FAM184B: variants seen among roughly 807,000 people sequenced by gnomAD.
FAM184B encodes protein FAM184B.
FAM184B carries 111 observed loss-of-function variants against 135.9 expected under a neutral mutation model. That is an observed-to-expected ratio of 0.82 (90% confidence interval 0.70 to 0.96). The LOEUF (loss-of-function observed/expected upper bound fraction) is 0.96, where lower values mean the gene tolerates loss of function less well. FAM184B is among the 40% of genes least tolerant of loss of function. The probability of loss-of-function intolerance (pLI) is 0.00; values close to 1 mark genes in which losing one functional copy is unlikely to be tolerated. For synonymous variants in FAM184B, 552 were observed against 524.8 expected, an observed-to-expected ratio of 1.05 and a Z score of -0.71; for missense variants, 1,375 against 1,323.9, an observed-to-expected ratio of 1.04 and a Z score of -0.60.
In FAM184B at chr4:17,705,011, T is replaced by C; in HGVS notation, c.1366A>G (p.Lys456Glu). 2.6e-6 allele frequency: 4 copies of C among 1,551,676 alleles called. No individual in the cohort carries two copies. The highest frequency in any genetic ancestry group is 3.5e-6 in the Non-Finnish European group (4 of 1,146,990). Residue 456 changes from lysine to glutamate, a missense_variant, in exon 5 of 18, where the codon AAA (lysine) becomes GAA (glutamate). Lys to Glu is a moderately conservative substitution (Grantham distance 56). Coordinates refer to ENST00000265018, the MANE Select transcript of FAM184B (RefSeq NM_015688.2). ...GAAGTAGGTCTCACCCTCTGCAGTTTCTTTCTTTCAGCCTCCACGGACGAG... is the reference window on the plus strand; with the variant it reads ...GAAGTAGGTCTCACCCTCTGCAGTTCCTTTCTTTCAGCCTCCACGGACGAG... Reference protein sequence around the residue: ...VRSSVEAERKKLQREVEAQLE... With the variant: ...VRSSVEAERKELQREVEAQLE...
chr4:17,630,779 CTTTTT>C lies in FAM184B; in HGVS notation c.*1748_*1752del, dbSNP rs57987403. On this transcript the variant is annotated 3_prime_UTR_variant, in exon 18 of 18. Coordinates refer to ENST00000265018, the MANE Select transcript of FAM184B (RefSeq NM_015688.2). Reference sequence around the variant, plus strand: ...AAGTTTGACAGTTATATGTAATCAGCTTTTTTTTTTTTAAGATGGTGTGATTGAGG... The same window carrying C: ...AAGTTTGACAGTTATATGTAATCAGCTTTTTTTAAGATGGTGTGATTGAGG... The C allele has an allele frequency of 2.0e-5, 3 of 148,476 alleles. No individual in the cohort carries two copies. Among genetic ancestry groups the C allele is most frequent in the Non-Finnish European group, 3.0e-5 (2 of 67,042 alleles). The allele number at this position is 148,476 out of a possible 1,614,324, so 9.2% of individuals were successfully genotyped here.
At chr4:17,680,691 C>T (rs986742804) in intron 7 of FAM184B, among the ~76,000 whole-genome samples, 44 of 152,122 alleles carry the variant, frequency 2.9e-4, no homozygotes, top group Non-Finnish European at 6.3e-4. Flanking sequence ...GAATAGTGTG[C>T]ACGGAAAAAT....
chr4:17,653,933 G>GGGAGGGGGGAGAGGGGGAGGGGGAGGGT (rs1715714055), intron 10 of FAM184B, among the ~76,000 whole-genome samples: 1 of 1,386 alleles, frequency 7.2e-4, no homozygotes. Context: ...AGGGGGAGGG[G>GGGAGGGGGGAGAGGGGGAGGGGGAGGGT]GATTTGAAGC....
intron 7 of FAM184B, among the ~76,000 whole-genome samples, chr4:17,681,263 G>C (rs1274360235): frequency 6.6e-6 from 1 of 152,160 alleles, no homozygotes; most frequent in Non-Finnish European, 1.5e-5. Context: ...AAGTCCTATG[G>C]GTTTGCCATT....
At chr4:17,729,873 G>A (rs936139769) in intron 1 of FAM184B, among the ~76,000 whole-genome samples, 1 of 152,206 alleles carries the variant, frequency 6.6e-6, no homozygotes, top group African/African-American at 2.4e-5. Flanking sequence ...CTCCTCCAAA[G>A]GAATGCAGCT....
At chr4:17,681,577 TG>T (rs1267375332) in intron 7 of FAM184B, among the ~76,000 whole-genome samples, 1 of 152,200 alleles carries the variant, frequency 6.6e-6, no homozygotes, top group Non-Finnish European at 1.5e-5. Flanking sequence ...AAGAGCCTAG[TG>T]GTTATCTGCC....
chr4:17,647,774 G>A lies in FAM184B; in HGVS notation c.2209C>T (p.Leu737=). 2 of 1,550,506 alleles carry A rather than the reference G, an allele frequency of 1.3e-6. No individual in the cohort carries two copies. Among genetic ancestry groups the A allele is most frequent in the Non-Finnish European group, 1.7e-6 (2 of 1,146,894 alleles). Residue 737 remains leucine (L), a synonymous_variant, in exon 12 of 18, where the codon CTG becomes TTG. Coordinates refer to ENST00000265018, the MANE Select transcript of FAM184B (RefSeq NM_015688.2). The stretch of plus-strand genomic sequence containing the variant: ...GAACAGGCAGCTTGCTGCTCCGACA[G>A]CTCCTGTCTGAGCGACTCTGGAAAA... The part of the protein sequence containing the change: ...ALLLESLRQE[L]SEQQAACSGH...
At chr4:17,758,021 G>A (rs960338321) in intron 1 of FAM184B, among the ~76,000 whole-genome samples, 3 of 152,070 alleles carry the variant, frequency 2.0e-5, no homozygotes, top group African/African-American at 7.2e-5. Context: ...GTCTCCCAGG[G>A]TCCCCAAACT....
chr4:17,642,410 T>C (rs908965814), intron 12 of FAM184B, among the ~76,000 whole-genome samples, 182 bp from the exon 13 acceptor site: 1 of 152,058 alleles, frequency 6.6e-6, no homozygotes, highest in African/African-American at 2.4e-5. Flanking sequence ...ATTTCCTCCT[T>C]TGGGAGTTGG....
chr4:17,711,534 A>T (rs930431933), intron 1 of FAM184B, among the ~76,000 whole-genome samples: 19 of 151,664 alleles, frequency 1.3e-4, no homozygotes, highest in African/African-American at 4.6e-4. Context: ...ATGGTGGCAC[A>T]TTCCTGTGGT....
intron 5 of FAM184B, among the ~76,000 whole-genome samples, chr4:17,693,923 G>A: frequency 6.6e-6 from 1 of 151,882 alleles, no homozygotes; most frequent in Non-Finnish European, 1.5e-5. Context: ...ACCAGCCCGA[G>A]CAACATAGTG....
At chr4:17,702,870 C>T in intron 5 of FAM184B, among the ~76,000 whole-genome samples, 1 of 151,996 alleles carries the variant, frequency 6.6e-6, no homozygotes, top group East Asian at 1.9e-4. Context: ...AAAGAGTGTC[C>T]ATCTGTTTGT....
intron 7 of FAM184B, among the ~76,000 whole-genome samples, chr4:17,668,492 A>G (rs959991296): frequency 8.5e-5 from 13 of 152,062 alleles, no homozygotes; most frequent in African/African-American, 2.9e-4. Flanking sequence ...AAGTTCCCAT[A>G]GCAATTTTTT....
At chr4:17,762,267 A>G (rs1252433124) in intron 1 of FAM184B, among the ~76,000 whole-genome samples, 2 of 152,352 alleles carry the variant, frequency 1.3e-5, no homozygotes, top group South Asian at 2.1e-4. Context: ...TGATCTAGAC[A>G]TCTTTTTTGA....
intron 2 of FAM184B, among the ~76,000 whole-genome samples, 183 bp downstream of exon 2, chr4:17,708,696 TATATATATATATA>T (rs1487915606): frequency 9.5e-5 from 5 of 52,372 alleles, no homozygotes; most frequent in Admixed American, 2.5e-4. Flanking sequence ...TATATATATA[TATATATATATATA>T]GTGTCTGTGT....
chr4:17,749,891 T>C (rs1215756250), intron 1 of FAM184B, among the ~76,000 whole-genome samples: 1 of 149,000 alleles, frequency 6.7e-6, no homozygotes, highest in East Asian at 2.0e-4. Flanking sequence ...TCGTCACTTT[T>C]AGTATTTACC....
intron 5 of FAM184B, among the ~76,000 whole-genome samples, chr4:17,702,551 G>C (rs945843106): frequency 6.6e-6 from 1 of 152,138 alleles, no homozygotes; most frequent in African/African-American, 2.4e-5. Flanking sequence ...ACTCTACAGG[G>C]GAAAATGATA....
In FAM184B at chr4:17,632,397, C is replaced by A; in HGVS notation, c.*135G>T. 1.4e-6 allele frequency: 1 copy of A among 702,640 alleles called. No individual in the cohort carries two copies. The highest frequency in any genetic ancestry group is 2.3e-6 in the Non-Finnish European group (1 of 434,406). The allele number at this position is 702,640 out of a possible 1,614,324, so 43.5% of individuals were successfully genotyped here. A position where few individuals can be genotyped will look rare whatever the true frequency, so the allele number is the denominator to read the frequency against. Reference sequence around the variant, plus strand: ...GCAGAACAGTATGAAGTGTTAACGCCAAAATTTGTTTTAGCTATCATATAT... The same window carrying A: ...GCAGAACAGTATGAAGTGTTAACGCAAAAATTTGTTTTAGCTATCATATAT... On this transcript the variant is annotated 3_prime_UTR_variant, in exon 18 of 18. Transcript: ENST00000265018.
At chr4:17,690,122 T>C (rs962838761) in intron 6 of FAM184B, among the ~76,000 whole-genome samples, 1 of 150,892 alleles carries the variant, frequency 6.6e-6, no homozygotes, top group Non-Finnish European at 1.5e-5. Flanking sequence ...CACTCCAGCC[T>C]GGGTGACAGA....
Sources: allele counts gnomAD v4.1 joint callset (sites outside exome capture counted in the v4.1 genomes callset), GRCh38; gene constraint gnomAD v4.1.1; transcripts MANE v1.5; gene names NCBI Gene and HGNC (gene_info 2026-07-23, HGNC 2026-07-21).